The following ZNF106 variants were observed in gnomAD, a reference collection of about 807,000 sequenced individuals.
The protein encoded by ZNF106 is SH3-domain binding protein 3.
ZNF106 carries 67 observed loss-of-function variants against 195.1 expected under a neutral mutation model. That is an observed-to-expected ratio of 0.34 (90% CI 0.28 to 0.42). The LOEUF is 0.42. Ranked by LOEUF, ZNF106 falls within the 10% of genes least tolerant of loss-of-function variation. ZNF106 has a pLI of 1.00. For synonymous variants in ZNF106, 784 were observed against 818.6 expected, an observed-to-expected ratio of 0.96 and a Z score of 0.72; for missense variants, 2,118 against 2,304.5, an observed-to-expected ratio of 0.92 and a Z score of 1.66.
At chr15:42,488,452 C>T (rs1412388395) in intron 1 of ZNF106, among the ~76,000 whole-genome samples, 43 of 152,158 alleles carry the variant, frequency 2.8e-4, no homozygotes, top group Non-Finnish European at 1.6e-4. Flanking sequence ...AACATGCACA[C>T]ACACACACAC....
intron 11 of ZNF106, 110 bp downstream of exon 11, chr15:42,438,923 T>C: frequency 1.6e-6 from 2 of 1,277,280 alleles, no homozygotes; most frequent in South Asian, 3.0e-5. Context: ...CTCTACTGCA[T>C]TCACATAAAG....
chr15:42,457,446 G>T (rs577610334), intron 3 of ZNF106: 1 of 1,286,588 alleles, frequency 7.8e-7, no homozygotes, highest in Non-Finnish European at 9.9e-7. Context: ...TCTTGTCAGA[G>T]GAAACATGGT....
In ZNF106 at chr15:42,442,104, G is replaced by C; in HGVS notation, c.3732C>G (p.Cys1244Trp). The C allele has an allele frequency of 6.2e-7, 1 of 1,613,532 alleles. No homozygotes were observed. The highest frequency in any genetic ancestry group is 8.5e-7 in the Non-Finnish European group (1 of 1,179,674). ...CTTCCAGTAATTCCTTGGACACATT[G>C]CAGGCAGAGCTTGGTGGCACAGCAT... ...NVNAVPPSSACNVSKELLEAN... is the reference protein window; with the variant it reads ...NVNAVPPSSAWNVSKELLEAN... Residue 1244 changes from cysteine to tryptophan, a missense_variant, in exon 10 of 22, where the codon TGC becomes TGG. Physicochemically the swap from Cys to Trp is radical, Grantham distance 215. Transcript: ENST00000564754.
At chr15:42,434,768 CTT>C (rs536454605) in intron 14 of ZNF106, among the ~76,000 whole-genome samples, 1 of 134,808 alleles carries the variant, frequency 7.4e-6, no homozygotes, top group Non-Finnish European at 1.6e-5. Flanking sequence ...ACATTTTGCT[CTT>C]TTTTTTTTTT....
chr15:42,440,021 G>A (rs758850388), intron 10 of ZNF106, among the ~76,000 whole-genome samples: 1 of 152,160 alleles, frequency 6.6e-6, no homozygotes, highest in Non-Finnish European at 1.5e-5. Context: ...CACAAACACT[G>A]TGTGTCTTAT....
intron 1 of ZNF106, among the ~76,000 whole-genome samples, chr15:42,483,233 AGTT>A (rs1358320970): frequency 1.1e-4 from 16 of 152,296 alleles, no homozygotes; most frequent in African/African-American, 3.6e-4. Flanking sequence ...ATGTAATAAT[AGTT>A]GTTATCTGTG....
chr15:42,427,350 A>G (rs1216620242), intron 15 of ZNF106, among the ~76,000 whole-genome samples: 1 of 152,210 alleles, frequency 6.6e-6, no homozygotes, highest in Non-Finnish European at 1.5e-5. Flanking sequence ...TTAACAAAGC[A>G]CACAGGGCCA....
chr15:42,467,497 A>T (rs1567027336), intron 2 of ZNF106, among the ~76,000 whole-genome samples: 1 of 152,164 alleles, frequency 6.6e-6, no homozygotes, highest in Non-Finnish European at 1.5e-5. Context: ...TAAGCGTGAA[A>T]ATATTCAGTC....
At position 42,466,071 on chromosome 15, in the gene ZNF106, A is replaced by G; in HGVS notation, c.98T>C (p.Leu33Pro). The change falls in exon 3 of 22, where the codon CTT becomes CCT. Residue 33 changes from leucine (L) to proline (P), a missense_variant. Transcript: ENST00000564754. ...HMRSMLHHRE[L>P]ENLKGRDISH... ...CCCATACCTGCCCTTGAGGTTCTCA[A>G]GTTCCCTGTGATGCAACATGCTCCG... The G allele has an allele frequency of 6.5e-7, 1 of 1,534,434 alleles. No individual in the cohort carries two copies.
intron 15 of ZNF106, among the ~76,000 whole-genome samples, chr15:42,426,369 G>T (rs2141273923): frequency 6.6e-6 from 1 of 150,870 alleles, no homozygotes; most frequent in African/African-American, 2.4e-5. Context: ...CCTCAAGATT[G>T]TCTTGCTCCT....
intron 3 of ZNF106, among the ~76,000 whole-genome samples, chr15:42,464,293 T>A (rs1160482702): frequency 6.7e-6 from 1 of 148,594 alleles, no homozygotes; most frequent in East Asian, 2.0e-4. Flanking sequence ...TGAGCTGAGA[T>A]AGCACCACTG....
intron 6 of ZNF106, among the ~76,000 whole-genome samples, chr15:42,446,883 C>T (rs1370315181): frequency 6.6e-6 from 1 of 152,088 alleles, no homozygotes; most frequent in African/African-American, 2.4e-5. Context: ...CTCCTAGCAT[C>T]CTAGAGGTAG....
intron 14 of ZNF106, among the ~76,000 whole-genome samples, chr15:42,431,407 T>C (rs1190551258): frequency 1.4e-5 from 2 of 145,390 alleles, no homozygotes; most frequent in Non-Finnish European, 3.0e-5. Context: ...TTTTTTTTTT[T>C]CTTGAAATGA....
chr15:42,424,247 G>A, intron 16 of ZNF106, 187 bp from the exon 17 acceptor site: 1 of 563,206 alleles, frequency 1.8e-6, no homozygotes. Context: ...GCATGCTAAT[G>A]AACTGACAAT....
rs80310490 is a variant in ZNF106 at position 42,483,253 on chromosome 15, T to C, written c.-33+7727A>G. ...ATAATAGTTGTTATCTGTGGGGGCA[T>C]TGGCCAGGAGGAGCTTACTCAGCCT... On this transcript the variant is annotated intron_variant, in intron 1 of 21. Coordinates refer to ENST00000564754, the MANE Select transcript of ZNF106 (RefSeq NM_001366845.3). 3.9e-3 allele frequency among the ~76,000 whole-genome samples: 594 copies of C among 152,332 alleles called. 8 individuals are homozygous for C. Among genetic ancestry groups the C allele is most frequent in the East Asian group, 0.025 (131 of 5,192 alleles).
chr15:42,450,354 C>A lies in ZNF106; in HGVS notation c.1918G>T (p.Gly640Cys). 6.2e-7 allele frequency: 1 copy of A among 1,614,168 alleles called. No individual in the cohort carries two copies. Reference protein sequence around the residue: ...LGSATTELLSGSTRTADEKEE... With the variant: ...LGSATTELLSCSTRTADEKEE... Reference sequence around the variant, plus strand: ...TTCTCATCAGCAGTTCGAGTGCTGCCAGATAACAATTCTGTAGTTGCAGAA... The same window carrying A: ...TTCTCATCAGCAGTTCGAGTGCTGCAAGATAACAATTCTGTAGTTGCAGAA... Residue 640 changes from glycine to cysteine, a missense_variant, in exon 5 of 22, where the codon GGC becomes TGC. Coordinates refer to ENST00000564754, the MANE Select transcript of ZNF106 (RefSeq NM_001366845.3).
At chr15:42,434,055 C>T (rs2055172680) in intron 14 of ZNF106, among the ~76,000 whole-genome samples, 1 of 152,114 alleles carries the variant, frequency 6.6e-6, no homozygotes, top group African/African-American at 2.4e-5. Context: ...CTATGTTGCC[C>T]AGGTTGGTCT....
intron 14 of ZNF106, among the ~76,000 whole-genome samples, chr15:42,429,408 C>T (rs756237916): frequency 7.3e-5 from 11 of 151,120 alleles, no homozygotes; most frequent in African/African-American, 9.8e-5. Context: ...CACCACACTC[C>T]AGCCTGGGCG....
At chr15:42,472,002 A>G (rs960738816) in intron 2 of ZNF106, among the ~76,000 whole-genome samples, 6 of 152,186 alleles carry the variant, frequency 3.9e-5, no homozygotes, top group African/African-American at 1.4e-4. Flanking sequence ...AATACGCTCA[A>G]ATTCTGGATG....
Sources: gnomAD v4.1 joint callset for allele counts (sites outside exome capture counted in the v4.1 genomes callset) on GRCh38, gnomAD v4.1.1 for gene constraint, MANE v1.5 for transcripts, NCBI Gene and HGNC (gene_info 2026-07-23, HGNC 2026-07-21) for gene names.